Variants in TCF7L2 observed in about 807,000 individuals in gnomAD.
TCF7L2 encodes transcription factor 7 like 2.
Under a neutral mutation model 77.9 loss-of-function variants are expected in TCF7L2, and 23 were observed. The ratio of observed to expected loss-of-function variants is 0.30; its 90% confidence interval spans 0.21 to 0.42. TCF7L2 has a LOEUF of 0.42. Among genes scored for constraint, TCF7L2 ranks in the 10% least tolerant of loss-of-function variants. The pLI is 1.00. For missense variants in TCF7L2, 654 were observed against 793.1 expected (o/e 0.82, Z 2.11); for synonymous variants, 413 against 340.2 (o/e 1.21, Z -2.36).
chr10:113,055,148 G>T (rs1006757703), intron 5 of TCF7L2, among the ~76,000 whole-genome samples: 4 of 152,178 alleles, frequency 2.6e-5, no homozygotes, highest in African/African-American at 7.2e-5. Context: ...AATTGGTAGG[G>T]CATTGGTTTG....
At chr10:113,111,874 G>T (rs2063173355) in intron 5 of TCF7L2, among the ~76,000 whole-genome samples, 1 of 152,162 alleles carries the variant, frequency 6.6e-6, no homozygotes, top group African/African-American at 2.4e-5. Context: ...GAGCTTGTTT[G>T]TTTTTCTGTC....
chr10:112,985,664 A>C (rs1219254570), intron 4 of TCF7L2, among the ~76,000 whole-genome samples: 1 of 152,186 alleles, frequency 6.6e-6, no homozygotes, highest in Non-Finnish European at 1.5e-5. Flanking sequence ...AGAGGCTGGC[A>C]GCCTTGCTTT....
At chr10:113,134,438 A>T (rs2067093984) in intron 5 of TCF7L2, among the ~76,000 whole-genome samples, 1 of 152,200 alleles carries the variant, frequency 6.6e-6, no homozygotes, top group Admixed American at 6.5e-5. Flanking sequence ...CACCAGCAGA[A>T]ATAGTTGCTA....
intron 5 of TCF7L2, among the ~76,000 whole-genome samples, chr10:113,086,566 C>G (rs1213975617): frequency 6.6e-6 from 1 of 152,184 alleles, no homozygotes; most frequent in African/African-American, 2.4e-5. Context: ...ACTTCTGAAG[C>G]TGGGGGTGGG....
At chr10:113,087,801 C>G (rs1414453161) in intron 5 of TCF7L2, among the ~76,000 whole-genome samples, 1 of 152,210 alleles carries the variant, frequency 6.6e-6, no homozygotes, top group African/African-American at 2.4e-5. Context: ...GGCCCCCTCT[C>G]ATTTTGAGAG....
Position 113,152,360 on chromosome 10 carries a change from G to A in TCF7L2, c.1189G>A (p.Ala397Thr), listed in dbSNP as rs1227971210. The A allele has an allele frequency of 1.1e-5, 18 of 1,614,224 alleles. No individual in the cohort carries two copies. Among genetic ancestry groups the A allele is most frequent in the Non-Finnish European group, 1.5e-5 (18 of 1,180,054 alleles). ...GCATGCACTGTCCAGAGAAGAGCAA[G>A]CGAAATACTACGAGCTGGCCCGGAA... The change falls in exon 11 of 14, where the codon GCG becomes ACG. Residue 397 changes from alanine (A) to threonine (T), a missense_variant. This residue lies in a region of TCF7L2 where 31 missense variants were observed against 116.1 expected (regional missense o/e 0.27). Transcript: ENST00000627217.
chr10:113,078,913 A>G (rs1398909206), intron 5 of TCF7L2, among the ~76,000 whole-genome samples: 1 of 149,254 alleles, frequency 6.7e-6, no homozygotes, highest in East Asian at 2.0e-4. Flanking sequence ...TCTCACTGCA[A>G]CCTCCGCCTC....
intron 5 of TCF7L2, among the ~76,000 whole-genome samples, chr10:113,138,095 C>T (rs1246588118): frequency 6.6e-6 from 1 of 152,184 alleles, no homozygotes; most frequent in East Asian, 1.9e-4. Context: ...CAAGGGAACC[C>T]ATGAGCTTGG....
At chr10:113,157,939 C>G (rs2137355737) in intron 11 of TCF7L2, 82 bp from the exon 12 acceptor site, 1 of 1,433,744 alleles carries the variant, frequency 7.0e-7, no homozygotes. Flanking sequence ...CTTCCTCCTG[C>G]CTTCTCCTTC....
intron 13 of TCF7L2, chr10:113,161,659 C>T (rs754487974): frequency 3.0e-5 from 45 of 1,522,950 alleles, no homozygotes; most frequent in South Asian, 7.2e-5. Context: ...TCCCTCGTCA[C>T]GTGTCCCTCC....
chr10:113,006,951 C>G (rs1424673261), intron 4 of TCF7L2, among the ~76,000 whole-genome samples: 1 of 152,198 alleles, frequency 6.6e-6, no homozygotes, highest in Admixed American at 6.5e-5. Flanking sequence ...ATGCACCTGC[C>G]CTTTTCCTTC....
At chr10:113,063,891 G>GGTGTGT in intron 5 of TCF7L2, among the ~76,000 whole-genome samples, 1 of 77,232 alleles carries the variant, frequency 1.3e-5, no homozygotes, top group South Asian at 6.2e-4. Context: ...ACATGGATGT[G>GGTGTGT]GCGTGTGTGT....
chr10:112,961,259 C>CCCCT, intron 3 of TCF7L2, among the ~76,000 whole-genome samples: 1 of 127,854 alleles, frequency 7.8e-6, no homozygotes, highest in African/African-American at 3.3e-5. Context: ...AGGTGACCCC[C>CCCCT]CCCCCCCCAA....
At chr10:113,121,609 G>T (rs1277418175) in intron 5 of TCF7L2, among the ~76,000 whole-genome samples, 1 of 152,126 alleles carries the variant, frequency 6.6e-6, no homozygotes, top group Non-Finnish European at 1.5e-5. Context: ...CTAACACAAA[G>T]TTACTACTAC....
At chr10:112,978,849 T>G (rs963565757) in intron 4 of TCF7L2, among the ~76,000 whole-genome samples, 1 of 152,110 alleles carries the variant, frequency 6.6e-6, no homozygotes, top group African/African-American at 2.4e-5. Flanking sequence ...ATTTTTATTA[T>G]ACTTTAAGTT....
chr10:113,049,547 G>C (rs2054049165), intron 5 of TCF7L2, among the ~76,000 whole-genome samples: 3 of 151,914 alleles, frequency 2.0e-5, no homozygotes, highest in African/African-American at 7.3e-5. Flanking sequence ...TCTCTCACTT[G>C]GATGTGGCCA....
intron 4 of TCF7L2, among the ~76,000 whole-genome samples, chr10:113,018,723 C>G (rs1028393099): frequency 1.5e-4 from 23 of 152,240 alleles, no homozygotes; most frequent in African/African-American, 5.5e-4. Context: ...CTGTCTTGAC[C>G]TCCCAAAGTG....
intron 5 of TCF7L2, among the ~76,000 whole-genome samples, chr10:113,066,612 T>G (rs2135077234): frequency 6.6e-6 from 1 of 152,278 alleles, no homozygotes; most frequent in East Asian, 1.9e-4. Context: ...CAAACCCACT[T>G]TTGATCAAAA....
intron 5 of TCF7L2, among the ~76,000 whole-genome samples, chr10:113,065,079 C>G (rs1485762780): frequency 6.6e-6 from 1 of 152,222 alleles, no homozygotes; most frequent in African/African-American, 2.4e-5. Context: ...CCTGACTCCA[C>G]CTGTCATTGA....
Sources: allele counts gnomAD v4.1 joint callset (sites outside exome capture counted in the v4.1 genomes callset), GRCh38; gene constraint gnomAD v4.1.1; regional missense constraint gnomAD v4.1.1; transcripts MANE v1.5; gene names NCBI Gene and HGNC (gene_info 2026-07-23, HGNC 2026-07-21).